PDE12: variants seen among roughly 807,000 people sequenced by gnomAD.
The protein encoded by PDE12 is 2',5'-phosphodiesterase 12.
A neutral mutation model predicts 45.4 loss-of-function variants in PDE12; 26 were observed. The ratio of observed to expected loss-of-function variants is 0.57; its 90% CI spans 0.42 to 0.79. The LOEUF (loss-of-function observed/expected upper bound fraction) is 0.79. Ranked by LOEUF, PDE12 falls within the 30% of genes least tolerant of loss-of-function variation. PDE12 has a pLI of 0.00. For synonymous variants in PDE12, 283 were observed against 323.9 expected (o/e 0.87, Z 1.36); for missense variants, 668 against 790.0 (o/e 0.85, Z 1.85).
At chr3:57,575,915 A>C in the PDE12 span, among the ~76,000 whole-genome samples, 1 of 152,274 alleles carries the variant, frequency 6.6e-6, no homozygotes, top group South Asian at 2.1e-4. Flanking sequence ...ACACCCCATT[A>C]AATTAAAGCA....
chr3:57,642,831 C>A, the PDE12 span, among the ~76,000 whole-genome samples: 1 of 152,014 alleles, frequency 6.6e-6, no homozygotes, highest in African/African-American at 2.4e-5. Context: ...CACGGTGAAA[C>A]CCCATCTCTA....
At chr3:57,621,811 A>G in the PDE12 span, among the ~76,000 whole-genome samples, 11 of 152,106 alleles carry the variant, frequency 7.2e-5, no homozygotes, top group Non-Finnish European at 1.5e-4. Flanking sequence ...TGAAAAAAAA[A>G]AAGTCATAAA....
the PDE12 span, chr3:57,634,644 T>A: frequency 1.3e-6 from 2 of 1,490,972 alleles, no homozygotes; most frequent in Non-Finnish European, 9.0e-7. Flanking sequence ...GAAAAGAAGG[T>A]AAACAAAAAA....
At chr3:57,647,041 T>G in the PDE12 span, among the ~76,000 whole-genome samples, 15 of 152,194 alleles carry the variant, frequency 9.9e-5, no homozygotes, top group Non-Finnish European at 2.1e-4. Context: ...CTAAGACACT[T>G]GGTAACTTTC....
the PDE12 span, chr3:57,598,145 C>CTT: frequency 6.6e-6 from 1 of 151,356 alleles, no homozygotes; most frequent in African/African-American, 2.4e-5. Flanking sequence ...AGCCTCTTCA[C>CTT]TTTAAAAGTG....
the PDE12 span, among the ~76,000 whole-genome samples, chr3:57,642,245 C>T: frequency 7.3e-6 from 1 of 136,784 alleles, no homozygotes; most frequent in African/African-American, 2.7e-5. Flanking sequence ...AACCAGGAGG[C>T]GGAGGTTGCA....
the PDE12 span, among the ~76,000 whole-genome samples, chr3:57,584,859 G>A: frequency 6.6e-6 from 1 of 151,866 alleles, no homozygotes; most frequent in African/African-American, 2.4e-5. Context: ...ATTTTTTGGG[G>A]GGTGGAGGGG....
At chr3:57,574,129 T>G in the PDE12 span, among the ~76,000 whole-genome samples, 1 of 151,850 alleles carries the variant, frequency 6.6e-6, no homozygotes, top group South Asian at 2.1e-4. Flanking sequence ...TTAGTAGAGA[T>G]GGGGTTTCAT....
At chr3:57,559,064 C>A (rs1402522832) in intron 1 of PDE12, among the ~76,000 whole-genome samples, 1 of 151,232 alleles carries the variant, frequency 6.6e-6, no homozygotes, top group Non-Finnish European at 1.5e-5. Context: ...ACTACAAATA[C>A]AAAAAAATTA....
rs1234210767 is a variant in PDE12 at position 57,565,331 on chromosome 3, A to G, written c.*5327A>G. ...AAAAACAAATTTTTTCTCCAGAAAAAAACATATTTATCAACTTTTAAAAAC... is the reference window on the plus strand; with the variant it reads ...AAAAACAAATTTTTTCTCCAGAAAAGAACATATTTATCAACTTTTAAAAAC... On this transcript the variant is annotated 3_prime_UTR_variant, in exon 3 of 3. Transcript: ENST00000311180. 1 of 152,192 alleles carries G rather than the reference A, an allele frequency of 6.6e-6. No individual in the cohort carries two copies. Among genetic ancestry groups the G allele is most frequent in the East Asian group, 1.9e-4 (1 of 5,202 alleles). The allele number at this position is 152,192 out of a possible 1,614,324, so 9.4% of individuals were successfully genotyped here.
the PDE12 span, among the ~76,000 whole-genome samples, chr3:57,614,977 AG>A: frequency 1.3e-5 from 2 of 148,836 alleles, no homozygotes; most frequent in Non-Finnish European, 3.0e-5. Flanking sequence ...TGGGTAACAA[AG>A]TGGGACTGTG....
the PDE12 span, among the ~76,000 whole-genome samples, chr3:57,637,107 G>T: frequency 6.6e-6 from 1 of 152,240 alleles, no homozygotes; most frequent in Admixed American, 6.5e-5. Context: ...TCTGGTCCAA[G>T]AATACTGCAC....
chr3:57,621,287 A>C, the PDE12 span, among the ~76,000 whole-genome samples: 2 of 152,260 alleles, frequency 1.3e-5, no homozygotes, highest in African/African-American at 2.4e-5. Flanking sequence ...TATGCAAAAA[A>C]CAAAAAATCC....
the PDE12 span, among the ~76,000 whole-genome samples, chr3:57,589,426 TCAAA>T: frequency 6.6e-6 from 1 of 151,930 alleles, no homozygotes; most frequent in Non-Finnish European, 1.5e-5. Flanking sequence ...AGATCCTGTC[TCAAA>T]CAAACAAGGC....
chr3:57,646,920 C>T, the PDE12 span, among the ~76,000 whole-genome samples: 8 of 152,062 alleles, frequency 5.3e-5, no homozygotes, highest in Non-Finnish European at 1.0e-4. Flanking sequence ...TGAACAAGAG[C>T]GAAACTCCTG....
chr3:57,618,627 T>TTTTTTTTTG, the PDE12 span, among the ~76,000 whole-genome samples: 1 of 136,910 alleles, frequency 7.3e-6, no homozygotes, highest in Non-Finnish European at 1.6e-5. Context: ...TTTTTTTTTT[T>TTTTTTTTTG]GAGATGGAGT....
the PDE12 span, chr3:57,633,158 G>A: frequency 2.2e-6 from 2 of 915,916 alleles, no homozygotes; most frequent in Non-Finnish European, 3.4e-6. Flanking sequence ...AAATATACCA[G>A]GCTGGCAAAA....
the PDE12 span, among the ~76,000 whole-genome samples, chr3:57,599,503 C>G: frequency 1.3e-5 from 2 of 152,320 alleles, no homozygotes; most frequent in Middle Eastern, 3.4e-3. Context: ...ATTCAAAAGA[C>G]AAACCGTATG....
At chr3:57,633,758 C>G in the PDE12 span, among the ~76,000 whole-genome samples, 1 of 151,468 alleles carries the variant, frequency 6.6e-6, no homozygotes, top group African/African-American at 2.4e-5. Context: ...GGTGTGGTGG[C>G]GGGCACCTGT....
Sources: gnomAD v4.1 joint callset for allele counts (sites outside exome capture counted in the v4.1 genomes callset) on GRCh38, gnomAD v4.1.1 for gene constraint, MANE v1.5 for transcripts, NCBI Gene and HGNC (gene_info 2026-07-23, HGNC 2026-07-21) for gene names.